ARHGEF12: variants seen among roughly 807,000 people sequenced by gnomAD.
ARHGEF12 encodes the protein Rho guanine nucleotide exchange factor 12.
A neutral mutation model predicts 211.2 loss-of-function variants in ARHGEF12; 66 were observed. The observed-to-expected ratio is 0.31, with a 90% CI of 0.26 to 0.38. The LOEUF is 0.38. Among genes scored for constraint, ARHGEF12 ranks in the 10% least tolerant of loss-of-function variants. The pLI is 1.00. For missense variants in ARHGEF12, 1,429 were observed against 1,869.5 expected (o/e 0.76, Z 4.34); for synonymous variants, 592 against 638.4 (o/e 0.93, Z 1.09).
At chr11:120,431,689 A>G (rs1303442253) in intron 10 of ARHGEF12, 82 bp from the exon 11 acceptor site, 15 of 1,393,574 alleles carry the variant, frequency 1.1e-5, no homozygotes, top group Non-Finnish European at 1.2e-5. Flanking sequence ...AGATTGTAGT[A>G]CCACTATTTC....
At chr11:120,398,911 T>A (rs1326688414) in intron 1 of ARHGEF12, among the ~76,000 whole-genome samples, 3 of 152,178 alleles carry the variant, frequency 2.0e-5, no homozygotes, top group African/African-American at 7.2e-5. Flanking sequence ...ACATTTCTTA[T>A]ATAATTAAAA....
chr11:120,451,705 A>G lies in ARHGEF12; in HGVS notation c.2037A>G (p.Gly679=). ...CAGGGGCCTCTTTTTCCCAGGAAGG[A>G]GGGAAAGAGAATGATACAGGTGAGC... is the stretch of plus-strand genomic sequence containing the variant. The part of the protein sequence containing the change: ...VASGASFSQE[G]GKENDTGSKQ... Residue 679 remains glycine (G), a synonymous_variant, in exon 22 of 41, where the codon GGA becomes GGG. Coordinates refer to ENST00000397843, the MANE Select transcript of ARHGEF12 (RefSeq NM_015313.3). The G allele has an allele frequency of 6.2e-7, 1 of 1,613,834 alleles. No homozygotes were observed. The highest frequency in any genetic ancestry group is 8.5e-7 in the Non-Finnish European group (1 of 1,179,846).
chr11:120,451,346 T>G (rs1946207534), intron 21 of ARHGEF12, 166 bp from the exon 22 acceptor site: 8 of 553,538 alleles, frequency 1.4e-5, no homozygotes, highest in East Asian at 6.6e-5. Flanking sequence ...GCCCAGCTAA[T>G]TTTTGTATTT....
At chr11:120,411,667 G>A (rs2135598905) in intron 4 of ARHGEF12, 2 of 128,978 alleles carry the variant, frequency 1.6e-5, no homozygotes, top group South Asian at 5.2e-4. Flanking sequence ...ATGACTCACT[G>A]CAGCCTCAAC....
At chr11:120,356,123 G>A (rs1004152344) in intron 1 of ARHGEF12, among the ~76,000 whole-genome samples, 4 of 152,188 alleles carry the variant, frequency 2.6e-5, no homozygotes, top group South Asian at 4.1e-4. Flanking sequence ...GTATGACTGC[G>A]TCTTAAATCT....
At chr11:120,461,222 C>T (rs1444343157) in intron 27 of ARHGEF12, among the ~76,000 whole-genome samples, 1 of 152,096 alleles carries the variant, frequency 6.6e-6, no homozygotes, top group African/African-American at 2.4e-5. Context: ...GAGGAATCAC[C>T]TTATGAAATA....
chr11:120,463,134 A>G (rs1472160251), intron 27 of ARHGEF12: 1 of 152,234 alleles, frequency 6.6e-6, no homozygotes, highest in Non-Finnish European at 1.5e-5. Flanking sequence ...AGTGTATTAA[A>G]TGCTTTCTCA....
intron 15 of ARHGEF12, among the ~76,000 whole-genome samples, chr11:120,442,962 G>A (rs1460830853): frequency 6.6e-6 from 1 of 151,316 alleles, no homozygotes; most frequent in African/African-American, 2.4e-5. Context: ...TGTATCATCT[G>A]CCCTCATTAT....
chr11:120,347,175 C>CTTTCTTTCTTTCTTT lies in ARHGEF12; in HGVS notation c.32+9900_32+9901insTTTCTTTCTTTCTTT, dbSNP rs1565417173. Among the ~76,000 whole-genome samples the CTTTCTTTCTTTCTTT allele has an allele frequency of 4.0e-4, 25 of 62,146 alleles. 1 individual carries two copies. The highest frequency in any genetic ancestry group is 4.9e-4 in the Non-Finnish European group (14 of 28,390). 40.8% of individuals were successfully genotyped at this position (62,146 alleles called of 152,430 possible). On this transcript the variant is annotated intron_variant, in intron 1 of 40. Coordinates refer to ENST00000397843, the MANE Select transcript of ARHGEF12 (RefSeq NM_015313.3). ...TCCTTCCTTCCTTCCTTCCTTCCTT[C>CTTTCTTTCTTTCTTT]CTTCCTTCCTTTCTTTCTTTCTTTC...
chr11:120,429,024 A>G (rs563250226), intron 8 of ARHGEF12, among the ~76,000 whole-genome samples: 44 of 152,306 alleles, frequency 2.9e-4, no homozygotes, highest in African/African-American at 1.0e-3. Context: ...GTAAAATATT[A>G]TAGGGTTGTG....
chr11:120,426,361 A>G (rs553766005), intron 7 of ARHGEF12, among the ~76,000 whole-genome samples: 107 of 152,350 alleles, frequency 7.0e-4, no homozygotes, highest in African/African-American at 2.4e-3. Context: ...GTAAGGGCAT[A>G]GCTAAAAACT....
At chr11:120,431,376 T>C (rs1472987213) in intron 10 of ARHGEF12, among the ~76,000 whole-genome samples, 1 of 152,192 alleles carries the variant, frequency 6.6e-6, no homozygotes, top group Non-Finnish European at 1.5e-5. Flanking sequence ...GAATTGGCCA[T>C]TGATTGACAC....
chr11:120,435,681 AT>A (rs1354787643), intron 11 of ARHGEF12, among the ~76,000 whole-genome samples: 1 of 151,018 alleles, frequency 6.6e-6, no homozygotes, highest in Non-Finnish European at 1.5e-5. Flanking sequence ...TGCCCGGCTA[AT>A]TTTTTTTGTA....
chr11:120,337,019 G>T lies in ARHGEF12; in HGVS notation c.-225G>T. The T allele has an allele frequency of 1.7e-6, 1 of 602,990 alleles. No homozygotes were observed. Among genetic ancestry groups the T allele is most frequent in the Non-Finnish European group, 3.0e-6 (1 of 335,926 alleles). 37.4% of individuals were successfully genotyped at this position (602,990 alleles called of 1,614,324 possible). ...AGCTCGACTCACTCTGGACTGACTC[G>T]CTCCCTGGCTTTCTCAGTTCGTTTT... is the stretch of plus-strand genomic sequence containing the variant. On this transcript the variant is annotated 5_prime_UTR_variant, in exon 1 of 41. Coordinates refer to ENST00000397843, the MANE Select transcript of ARHGEF12 (RefSeq NM_015313.3).
chr11:120,362,857 T>A (rs1943314476), intron 1 of ARHGEF12, among the ~76,000 whole-genome samples: 1 of 152,074 alleles, frequency 6.6e-6, no homozygotes, highest in Non-Finnish European at 1.5e-5. Flanking sequence ...TCCCAGCAGT[T>A]TGGGAGGCCG....
intron 15 of ARHGEF12, 30 bp from the exon 16 acceptor site, chr11:120,445,392 G>A: frequency 6.2e-7 from 1 of 1,612,788 alleles, no homozygotes; most frequent in Non-Finnish European, 8.5e-7. Context: ...CTTTAGCGTT[G>A]TTACACCTTT....
intron 1 of ARHGEF12, among the ~76,000 whole-genome samples, chr11:120,377,007 G>A (rs1464326602): frequency 6.6e-6 from 1 of 152,094 alleles, no homozygotes; most frequent in African/African-American, 2.4e-5. Flanking sequence ...ACTCCATTGT[G>A]TATATGTACC....
chr11:120,378,280 C>T (rs1481518534), intron 1 of ARHGEF12, among the ~76,000 whole-genome samples: 1 of 152,112 alleles, frequency 6.6e-6, no homozygotes, highest in African/African-American at 2.4e-5. Context: ...ATATTGAGGA[C>T]TTTTCATTTG....
intron 6 of ARHGEF12, 135 bp downstream of exon 6, chr11:120,421,987 A>T (rs551115117): frequency 1.4e-5 from 9 of 623,684 alleles, no homozygotes; most frequent in Non-Finnish European, 2.5e-5. Context: ...TGACTATACA[A>T]ACTTATTTCA....
Sources: allele counts gnomAD v4.1 joint callset (sites outside exome capture counted in the v4.1 genomes callset), GRCh38; gene constraint gnomAD v4.1.1; transcripts MANE v1.5; gene names NCBI Gene and HGNC (gene_info 2026-07-23, HGNC 2026-07-21).